R3HDM2: variants seen among roughly 807,000 people sequenced by gnomAD.
R3HDM2 encodes R3H domain-containing protein 2.
R3HDM2 carries 38 observed loss-of-function variants against 124.5 expected under a neutral mutation model. The observed-to-expected ratio is 0.31, with a 90% CI of 0.24 to 0.40. The LOEUF (loss-of-function observed/expected upper bound fraction) is 0.40. R3HDM2 is among the 10% of genes least tolerant of loss of function. The pLI, the probability that R3HDM2 is intolerant of heterozygous loss-of-function variation, is 1.00. For missense variants in R3HDM2, 869 were observed against 1,236.9 expected (o/e 0.70, Z 4.46); for synonymous variants, 391 against 448.0 (o/e 0.87, Z 1.61).
intron 13 of R3HDM2, among the ~76,000 whole-genome samples, 163 bp downstream of exon 13, chr12:57,283,661 C>A (rs1012786424): frequency 6.6e-6 from 1 of 151,986 alleles, no homozygotes; most frequent in African/African-American, 2.4e-5. Flanking sequence ...ATCACTTGAA[C>A]CCGGGAGACA....
chr12:57,349,628 T>G (rs2060477328), intron 2 of R3HDM2, among the ~76,000 whole-genome samples: 1 of 150,684 alleles, frequency 6.6e-6, no homozygotes, highest in South Asian at 2.1e-4. Context: ...TGGCACGATC[T>G]CAGCTCACTA....
chr12:57,427,286 G>C (rs570713238), intron 1 of R3HDM2, among the ~76,000 whole-genome samples: 1 of 142,138 alleles, frequency 7.0e-6, no homozygotes, highest in Non-Finnish European at 1.5e-5. Flanking sequence ...CAGAGGTTCT[G>C]TCTCAAAAAA....
chr12:57,321,571 G>C (rs1044869703), intron 2 of R3HDM2, among the ~76,000 whole-genome samples: 2 of 152,136 alleles, frequency 1.3e-5, no homozygotes, highest in African/African-American at 4.8e-5. Context: ...AAAATTGCCT[G>C]AACCGGGAGG....
intron 2 of R3HDM2, among the ~76,000 whole-genome samples, chr12:57,329,168 T>C (rs945001678): frequency 6.6e-6 from 1 of 152,150 alleles, no homozygotes; most frequent in Admixed American, 6.6e-5. Flanking sequence ...TTGCCACTTT[T>C]ATGGAGGATA....
chr12:57,257,985 C>T lies in R3HDM2; in HGVS notation c.2449+5G>A. The stretch of plus-strand genomic sequence containing the variant: ...ATAGCAGCCAGCACTAATCTAACCC[C>T]CTACCCTGTGCTGGACCCCCAGGCC... On this transcript the variant is annotated splice_donor_5th_base_variant and intron_variant, in intron 21 of 23. Transcript: ENST00000402412. 1 of 1,534,472 alleles carries T rather than the reference C, an allele frequency of 6.5e-7. No individual in the cohort carries two copies. Among genetic ancestry groups the T allele is most frequent in the Non-Finnish European group, 8.8e-7 (1 of 1,130,532 alleles).
intron 1 of R3HDM2, among the ~76,000 whole-genome samples, chr12:57,399,261 G>A (rs1566487944): frequency 6.6e-6 from 1 of 152,062 alleles, no homozygotes; most frequent in African/African-American, 2.4e-5. Context: ...AATTAGCGGG[G>A]CATGGTGGCG....
At chr12:57,325,218 C>T (rs2057132232) in intron 2 of R3HDM2, among the ~76,000 whole-genome samples, 1 of 152,232 alleles carries the variant, frequency 6.6e-6, no homozygotes, top group African/African-American at 2.4e-5. Context: ...TCTCGGCTCA[C>T]TACAACCTCC....
chr12:57,354,596 C>T (rs1200152566), intron 2 of R3HDM2, among the ~76,000 whole-genome samples: 1 of 151,856 alleles, frequency 6.6e-6, no homozygotes, highest in Admixed American at 6.6e-5. Flanking sequence ...ACCCTGCCTG[C>T]ATTTTTTTAA....
intron 10 of R3HDM2, among the ~76,000 whole-genome samples, chr12:57,293,496 C>T (rs745378004): frequency 1.7e-4 from 26 of 152,198 alleles, no homozygotes; most frequent in Non-Finnish European, 3.4e-4. Flanking sequence ...GGTAACCAGA[C>T]GGGATGGCTG....
At chr12:57,398,279 T>C (rs2067754505) in intron 1 of R3HDM2, among the ~76,000 whole-genome samples, 1 of 152,138 alleles carries the variant, frequency 6.6e-6, no homozygotes, top group African/African-American at 2.4e-5. Context: ...TTCTAAACAG[T>C]GTCTGACACA....
rs751961050 is a variant in R3HDM2, at chr12:57,280,421, TTGCTGC to T, written c.1275_1280del (p.Gln426_Gln427del). 38 of 1,612,688 alleles carry T rather than the reference TTGCTGC, an allele frequency of 2.4e-5. No homozygotes were observed. The African/African-American group carries it at 3.7e-4, about 16-fold the overall frequency. ...GAGGCGTGGGTGGGAGAGCAGGAAG[TTGCTGC>T]TGCTGCTGCTGCTGTTGCTGCTGGG... On this transcript the variant is annotated inframe_deletion, in exon 14 of 24. Coordinates refer to ENST00000402412, the MANE Select transcript of R3HDM2 (RefSeq NM_001394031.1).
intron 12 of R3HDM2, among the ~76,000 whole-genome samples, chr12:57,285,183 C>G (rs556843171): frequency 6.6e-6 from 1 of 152,238 alleles, no homozygotes; most frequent in South Asian, 2.1e-4. Flanking sequence ...CATTCCAATC[C>G]CACTGGTTCC....
chr12:57,408,208 G>A (rs952564310), intron 1 of R3HDM2, among the ~76,000 whole-genome samples: 1 of 152,168 alleles, frequency 6.6e-6, no homozygotes, highest in Non-Finnish European at 1.5e-5. Flanking sequence ...TGGCATTTCA[G>A]GTGCAAGCCA....
Position 57,285,426 on chromosome 12 carries a change from CA to C in R3HDM2, c.939-1371del, listed in dbSNP as rs1341406891. Among the ~76,000 whole-genome samples the C allele has an allele frequency of 2.7e-5, 4 of 147,458 alleles. No individual in the cohort carries two copies. In the East Asian group the frequency reaches 8.0e-4, roughly 29 times the overall value. ...ACATGCTAATTCTTCTCTGCAACCC[CA>C]AGACTGAGAGAGAGAGAGAGTGTGT... On this transcript the variant is annotated intron_variant, in intron 12 of 23. Coordinates refer to ENST00000402412, the MANE Select transcript of R3HDM2 (RefSeq NM_001394031.1).
chr12:57,268,321 G>A lies in R3HDM2; in HGVS notation c.2012C>T (p.Ala671Val). ...TCCTCACCTCGTACCGTTCTGCTGA[G>A]CAGGTGGGATCATGCTATAGTACAC... is the stretch of plus-strand genomic sequence containing the variant. Reference protein sequence around the residue: ...VPVYYSMIPPAQQNGTSPSVG... With the variant: ...VPVYYSMIPPVQQNGTSPSVG... Residue 671 changes from alanine to valine, a missense_variant, in exon 18 of 24, where the codon GCT becomes GTT. Physicochemically the swap from Ala to Val is moderately conservative, Grantham distance 64. Around this residue, in one of 2 missense-constraint regions of R3HDM2, gnomAD observed 602 missense variants for 789.2 expected, o/e 0.76. Coordinates refer to ENST00000402412, the MANE Select transcript of R3HDM2 (RefSeq NM_001394031.1). The A allele has an allele frequency of 6.2e-7, 1 of 1,613,976 alleles. No individual in the cohort carries two copies. The highest frequency in any genetic ancestry group is 8.5e-7 in the Non-Finnish European group (1 of 1,179,926).
chr12:57,364,138 G>A (rs903006257), intron 2 of R3HDM2, among the ~76,000 whole-genome samples: 2 of 129,848 alleles, frequency 1.5e-5, no homozygotes, highest in Non-Finnish European at 3.1e-5. Flanking sequence ...GCACAGACTC[G>A]GTGTCTTTTT....
intron 2 of R3HDM2, among the ~76,000 whole-genome samples, chr12:57,373,380 G>T (rs1342704171): frequency 1.3e-5 from 2 of 151,856 alleles, no homozygotes; most frequent in Non-Finnish European, 2.9e-5. Context: ...GGCGCCTGTA[G>T]TACCAGCTAC....
intron 2 of R3HDM2, among the ~76,000 whole-genome samples, chr12:57,388,172 C>T (rs1018853988): frequency 1.3e-5 from 2 of 151,846 alleles, no homozygotes; most frequent in Non-Finnish European, 2.9e-5. Context: ...ACCATGTTGG[C>T]CAGGCTGACC....
At chr12:57,298,053 C>T in intron 7 of R3HDM2, 37 bp downstream of exon 7, 1 of 1,466,714 alleles carries the variant, frequency 6.8e-7, no homozygotes, top group Non-Finnish European at 9.3e-7. Context: ...TTGCTATCCC[C>T]TAACCCCTTT....
Sources: gnomAD v4.1 joint callset for allele counts (sites outside exome capture counted in the v4.1 genomes callset) on GRCh38, gnomAD v4.1.1 for gene constraint, gnomAD v4.1.1 regional missense constraint, MANE v1.5 for transcripts, NCBI Gene and HGNC (gene_info 2026-07-23, HGNC 2026-07-21) for gene names.